AFF3: variants seen among roughly 807,000 people sequenced by gnomAD.
AFF3 encodes the protein ALF transcription elongation factor 3.
Under a neutral mutation model 129.7 loss-of-function variants are expected in AFF3, and 32 were observed. That is an observed-to-expected ratio of 0.25 (90% CI 0.19 to 0.33). AFF3 has a LOEUF of 0.33. Among genes scored for constraint, AFF3 ranks in the 10% least tolerant of loss-of-function variants. The probability of loss-of-function intolerance (pLI) is 1.00; values close to 1 mark genes in which losing one functional copy is unlikely to be tolerated. For missense variants in AFF3, 1,373 were observed against 1,592.0 expected (o/e 0.86, Z 2.34); for synonymous variants, 644 against 635.4 (o/e 1.01, Z -0.20).
chr2:99,672,176 TCTCACACACACACACACACA>T (rs1252549872), intron 12 of AFF3, among the ~76,000 whole-genome samples: 10 of 37,278 alleles, frequency 2.7e-4, no homozygotes, highest in Non-Finnish European at 3.8e-4. Flanking sequence ...CCAGTTAGCT[TCTCACACACACACACACACA>T]CACACACACA....
intron 8 of AFF3, among the ~76,000 whole-genome samples, chr2:99,822,315 T>G (rs1687748768): frequency 7.3e-6 from 1 of 137,772 alleles, no homozygotes; most frequent in Non-Finnish European, 1.6e-5. Context: ...GCTAAGACAC[T>G]GGGGGATGGG....
chr2:99,689,125 C>T (rs1448872130), intron 11 of AFF3, among the ~76,000 whole-genome samples: 1 of 152,152 alleles, frequency 6.6e-6, no homozygotes, highest in Non-Finnish European at 1.5e-5. Flanking sequence ...TGTGACGCTG[C>T]TTCGGTTTAC....
chr2:100,025,302 T>C (rs1683947080), intron 4 of AFF3, among the ~76,000 whole-genome samples: 1 of 151,338 alleles, frequency 6.6e-6, no homozygotes, highest in Non-Finnish European at 1.5e-5. Context: ...TTACAATAGC[T>C]GCAAAAAAAA....
intron 7 of AFF3, among the ~76,000 whole-genome samples, chr2:99,959,073 G>A (rs927418107): frequency 1.2e-4 from 18 of 152,020 alleles, no homozygotes; most frequent in African/African-American, 2.7e-4. Context: ...CTCCAGTCTC[G>A]GCGACAGAGC....
At chr2:99,624,898 C>CG (rs1203334776) in intron 13 of AFF3, among the ~76,000 whole-genome samples, 1 of 152,196 alleles carries the variant, frequency 6.6e-6, no homozygotes, top group Non-Finnish European at 1.5e-5. Flanking sequence ...CAGATGCCTC[C>CG]GACCTGCATA....
chr2:99,624,158 T>C (rs1302797560), intron 13 of AFF3, among the ~76,000 whole-genome samples: 1 of 152,054 alleles, frequency 6.6e-6, no homozygotes, highest in Non-Finnish European at 1.5e-5. Flanking sequence ...ATTGTTGCCT[T>C]CTGAAGGCAT....
chr2:99,643,823 C>A (rs183791838), intron 13 of AFF3, among the ~76,000 whole-genome samples: 1 of 152,230 alleles, frequency 6.6e-6, no homozygotes, highest in African/African-American at 2.4e-5. Flanking sequence ...AGGTGAAACT[C>A]CCTTAGTTTT....
chr2:99,556,777 C>T (rs1046114542), intron 22 of AFF3, among the ~76,000 whole-genome samples: 5 of 151,858 alleles, frequency 3.3e-5, no homozygotes, highest in African/African-American at 1.2e-4. Context: ...AAAAAATGAG[C>T]TGGGTGTGGT....
rs535055357 is a variant in AFF3 at position 99,601,462 on chromosome 2, G to A, written c.1344C>T (p.Ser448=). ...CGGGGCTGGAGAAGTGGGGGGGCTT[G>A]CTGCCCTCACTCTCGCTGGAGCTGC... ...TESSSSESEG[S]KPPHFSSPEA... is the part of the protein sequence containing the mutation. Residue 448 remains serine, a synonymous_variant, in exon 14 of 25, where the codon AGC becomes AGT. Coordinates refer to ENST00000672756, the MANE Select transcript of AFF3 (RefSeq NM_001386135.1). 23 of 1,608,906 alleles carry A rather than the reference G, an allele frequency of 1.4e-5. No homozygotes were observed. In the South Asian group the frequency reaches 2.4e-4, roughly 17 times the overall value.
intron 8 of AFF3, among the ~76,000 whole-genome samples, chr2:99,831,944 C>T (rs1688541853): frequency 6.6e-6 from 1 of 152,204 alleles, no homozygotes; most frequent in African/African-American, 2.4e-5. Flanking sequence ...TGCATTCCTC[C>T]TGTAACTCAC....
intron 7 of AFF3, among the ~76,000 whole-genome samples, chr2:99,849,701 T>G (rs1690005877): frequency 6.6e-6 from 1 of 152,258 alleles, no homozygotes; most frequent in Non-Finnish European, 1.5e-5. Context: ...AAGCAATGAT[T>G]ACTAGGAGGC....
At chr2:99,657,857 G>T (rs2104246739) in intron 12 of AFF3, among the ~76,000 whole-genome samples, 1 of 152,350 alleles carries the variant, frequency 6.6e-6, no homozygotes, top group East Asian at 1.9e-4. Context: ...TCATAAGGTG[G>T]ATTCTGTTAT....
chr2:99,630,915 C>T, intron 13 of AFF3: 1 of 367,610 alleles, frequency 2.7e-6, no homozygotes, highest in Non-Finnish European at 5.7e-6. Context: ...TCTGGGCTCA[C>T]CTTGTAGAAG....
intron 4 of AFF3, among the ~76,000 whole-genome samples, chr2:100,044,457 G>C (rs1031484032): frequency 1.3e-5 from 2 of 151,888 alleles, no homozygotes; most frequent in African/African-American, 2.4e-5. Context: ...CCAAGTCATA[G>C]AGTGCAATGA....
chr2:99,848,053 G>T (rs1231497797), intron 7 of AFF3, among the ~76,000 whole-genome samples: 2 of 151,998 alleles, frequency 1.3e-5, no homozygotes, highest in African/African-American at 2.4e-5. Flanking sequence ...AGGCCAACGT[G>T]GGGGGATCAC....
intron 11 of AFF3, among the ~76,000 whole-genome samples, chr2:99,719,388 A>G (rs1678686607): frequency 6.6e-6 from 1 of 152,146 alleles, no homozygotes. Context: ...TGTTTGTGCA[A>G]ACATTGATGG....
At chr2:99,557,279 CTTT>C (rs201716560) in intron 22 of AFF3, among the ~76,000 whole-genome samples, 6 of 133,646 alleles carry the variant, frequency 4.5e-5, no homozygotes, top group Admixed American at 7.5e-5. Flanking sequence ...TTGTGTTTTC[CTTT>C]TTTTTTTTTT....
intron 13 of AFF3, among the ~76,000 whole-genome samples, chr2:99,622,441 G>T (rs1682113897): frequency 1.3e-5 from 2 of 152,210 alleles, no homozygotes; most frequent in African/African-American, 4.8e-5. Context: ...GGCAGGCTGA[G>T]CAAAGAGAGA....
chr2:99,659,600 G>A lies in AFF3; in HGVS notation c.1144-9934C>T, dbSNP rs553340546. Among the ~76,000 whole-genome samples the A allele has an allele frequency of 1.8e-4, 28 of 152,198 alleles. No individual in the cohort carries two copies. In the South Asian group the frequency reaches 5.2e-3, roughly 28 times the overall value. On this transcript the variant is annotated intron_variant, in intron 12 of 24. Coordinates refer to ENST00000672756, the MANE Select transcript of AFF3 (RefSeq NM_001386135.1). The stretch of plus-strand genomic sequence containing the variant: ...TAGGGGAAAAAATAGAAAGTAAATC[G>A]CCACTAATAAGTGCTAAGTTCGAAA...
Sources: allele counts gnomAD v4.1 joint callset (sites outside exome capture counted in the v4.1 genomes callset), GRCh38; gene constraint gnomAD v4.1.1; transcripts MANE v1.5; gene names NCBI Gene and HGNC (gene_info 2026-07-23, HGNC 2026-07-21).